TMEM263: variants seen among roughly 807,000 people sequenced by gnomAD.
TMEM263 encodes the protein transmembrane protein 263.
A neutral mutation model predicts 8.6 loss-of-function variants in TMEM263; 5 were observed. The ratio of observed to expected loss-of-function variants is 0.58; its 90% CI spans 0.31 to 1.23. The LOEUF is 1.23. Ranked by LOEUF, TMEM263 falls within the 50% of genes most tolerant of loss-of-function variation. The pLI is 0.07. For missense variants in TMEM263, 104 were observed against 138.8 expected, an observed-to-expected ratio of 0.75 and a Z score of 1.26; for synonymous variants, 50 against 47.9, an observed-to-expected ratio of 1.04 and a Z score of -0.18.
chr12:106,962,207 T>C (rs535897011), intron 2 of TMEM263, among the ~76,000 whole-genome samples: 21 of 152,226 alleles, frequency 1.4e-4, no homozygotes, highest in African/African-American at 3.9e-4. Flanking sequence ...GTAAAACTTA[T>C]GTATTTCTAA....
At chr12:106,964,695 G>A (rs1033854809) in intron 2 of TMEM263, among the ~76,000 whole-genome samples, 1 of 152,208 alleles carries the variant, frequency 6.6e-6, no homozygotes, top group Non-Finnish European at 1.5e-5. Flanking sequence ...TAGAGCAATT[G>A]AAAGCTATTT....
chr12:106,967,453 G>A (rs1951862424), intron 3 of TMEM263: 1 of 270,440 alleles, frequency 3.7e-6, no homozygotes, highest in African/African-American at 2.3e-5. Flanking sequence ...AGAGACAGGG[G>A]TTTCATCATG....
At position 106,971,544 on chromosome 12, in the gene TMEM263, GA is replaced by G; in HGVS notation, c.*154del. ...ATGACTGGCTTTCATCTAAAAAGAA[GA>G]GACCAATACGAGCACAGTATATGAA... On this transcript the variant is annotated 3_prime_UTR_variant, in exon 4 of 4. Transcript: ENST00000280756. The G allele has an allele frequency of 1.3e-6, 1 of 773,380 alleles. No individual in the cohort carries two copies. 47.9% of individuals were successfully genotyped at this position (773,380 alleles called of 1,614,324 possible).
chr12:106,963,081 G>T (rs935825886), intron 2 of TMEM263, among the ~76,000 whole-genome samples: 3 of 152,170 alleles, frequency 2.0e-5, no homozygotes, highest in Admixed American at 6.5e-5. Context: ...AAGGACCTGA[G>T]CCATGTACAT....
chr12:106,966,108 A>G (rs1183282286), intron 2 of TMEM263, among the ~76,000 whole-genome samples: 2 of 152,170 alleles, frequency 1.3e-5, no homozygotes, highest in Admixed American at 6.6e-5. Flanking sequence ...ATAGTACTCA[A>G]TAGATAGTTT....
rs11837205 is a variant in TMEM263, at chr12:106,956,032, G to T, written c.-108G>T. ...CTGCGCCGGCCCGCTCACTCCGCCC[G>T]GCCCCAGCCCTAGCGCTGGCCGCGA... On this transcript the variant is annotated 5_prime_UTR_variant, in exon 1 of 4. Transcript: ENST00000280756. 4,134 of 985,666 alleles carry T rather than the reference G, an allele frequency of 4.2e-3. 151 individuals are homozygous for T. In the African/African-American group the frequency reaches 0.067, roughly 16 times the overall value. The allele number at this position is 985,666 out of a possible 1,614,324, so 61.1% of individuals were successfully genotyped here.
At chr12:106,968,170 T>C (rs1004308727) in intron 3 of TMEM263, among the ~76,000 whole-genome samples, 2 of 152,202 alleles carry the variant, frequency 1.3e-5, no homozygotes, top group Non-Finnish European at 2.9e-5. Flanking sequence ...AGGTATTATA[T>C]ATTTTTTCCT....
At position 106,973,476 on chromosome 12, in the gene TMEM263, G is replaced by T. The variant is rs1477892017; in HGVS notation, c.*2085G>T. The T allele has an allele frequency of 6.6e-6, 1 of 152,536 alleles. No homozygotes were observed. Among genetic ancestry groups the T allele is most frequent in the Non-Finnish European group, 1.5e-5 (1 of 68,006 alleles). The allele number at this position is 152,536 out of a possible 1,614,324, so 9.4% of individuals were successfully genotyped here. A position where few individuals can be genotyped will look rare whatever the true frequency, so the allele number is the denominator to read the frequency against. On this transcript the variant is annotated 3_prime_UTR_variant, in exon 4 of 4. Transcript: ENST00000280756. ...CTTTAAAATTGCTTGAGGAAAAATG[G>T]TTGTAATTAATTTCTGCTACAGAAA...
chr12:106,970,888 A>G (rs1426936474), intron 3 of TMEM263, among the ~76,000 whole-genome samples: 1 of 152,240 alleles, frequency 6.6e-6, no homozygotes, highest in Non-Finnish European at 1.5e-5. Flanking sequence ...ATTTCTTCTC[A>G]TAGATACTAA....
chr12:106,968,773 CA>C (rs1389962017), intron 3 of TMEM263, among the ~76,000 whole-genome samples: 4 of 152,058 alleles, frequency 2.6e-5, no homozygotes, highest in Admixed American at 6.5e-5. Flanking sequence ...GCATGTGTAC[CA>C]AATTTGGCAT....
chr12:106,957,372 C>A (rs1273733071), intron 2 of TMEM263, among the ~76,000 whole-genome samples: 1 of 152,068 alleles, frequency 6.6e-6, no homozygotes, highest in African/African-American at 2.4e-5. Context: ...AAAATTTGTC[C>A]ATTTATAGAA....
chr12:106,958,080 A>C (rs1313397388), intron 2 of TMEM263, among the ~76,000 whole-genome samples: 1 of 152,220 alleles, frequency 6.6e-6, no homozygotes, highest in Non-Finnish European at 1.5e-5. Flanking sequence ...TTTAGGTAGA[A>C]TATGTAGAAG....
chr12:106,967,328 G>A (rs1254889000), intron 3 of TMEM263, 148 bp downstream of exon 3: 2 of 515,234 alleles, frequency 3.9e-6, no homozygotes, highest in Non-Finnish European at 6.6e-6. Flanking sequence ...GCACGATCTT[G>A]GCCCACTGCA....
At chr12:106,967,043 G>T (rs1475618819) in intron 2 of TMEM263, 68 bp from the exon 3 acceptor site, 2 of 979,976 alleles carry the variant, frequency 2.0e-6, no homozygotes, top group Non-Finnish European at 3.2e-6. Flanking sequence ...TCGCAATTTA[G>T]CATGTGATAA....
Position 106,971,420 on chromosome 12 carries a change from C to T in TMEM263, c.*29C>T. On this transcript the variant is annotated 3_prime_UTR_variant, in exon 4 of 4. Transcript: ENST00000280756. ...ATAGAGATACACTTGCGCTCCACAG[C>T]ACTGTAATGCCAGTGGCATTGAATT... 1.3e-6 allele frequency: 2 copies of T among 1,547,416 alleles called. No homozygotes were observed. The highest frequency in any genetic ancestry group is 2.5e-5 in the South Asian group (2 of 79,894).
In TMEM263 at chr12:106,962,885, G is replaced by A. The variant is rs74579785; in HGVS notation, c.-6-4226G>A. On this transcript the variant is annotated intron_variant, in intron 2 of 3. Transcript: ENST00000280756. ...ATTCAAGTATATGAGTGTCAACCATGCATCATTGATTAAGTCTCTGGTGAT... is the reference window on the plus strand; with the variant it reads ...ATTCAAGTATATGAGTGTCAACCATACATCATTGATTAAGTCTCTGGTGAT... Among the ~76,000 whole-genome samples, 317 of 152,322 alleles carry A rather than the reference G, an allele frequency of 2.1e-3. 2 individuals carry two copies. The highest frequency in any genetic ancestry group is 7.0e-3 in the African/African-American group (292 of 41,576).
rs1951950828 is a variant in TMEM263 at position 106,973,305 on chromosome 12, G to A, written c.*1914G>A. On this transcript the variant is annotated 3_prime_UTR_variant, in exon 4 of 4. Transcript: ENST00000280756. ...AATGGTATTGGAGAACTTGTTTCCT[G>A]CTATTTGGAAGAGATTGTTGCTTCA... The A allele has an allele frequency of 6.6e-6, 1 of 152,066 alleles. No individual in the cohort carries two copies. Among genetic ancestry groups the A allele is most frequent in the African/African-American group, 2.4e-5 (1 of 41,318 alleles). The allele number at this position is 152,066 out of a possible 1,614,324, so 9.4% of individuals were successfully genotyped here. A position where few individuals can be genotyped will look rare whatever the true frequency, so the allele number is the denominator to read the frequency against.
Position 106,967,099 on chromosome 12 carries a change from T to TC in TMEM263, c.-6-12_-6-11insC. The TC allele has an allele frequency of 7.7e-7, 1 of 1,291,946 alleles. No individual in the cohort carries two copies. Among genetic ancestry groups the TC allele is most frequent in the Non-Finnish European group, 1.1e-6 (1 of 940,250 alleles). 80.0% of individuals were successfully genotyped at this position (1,291,946 alleles called of 1,614,324 possible). On this transcript the variant is annotated splice_polypyrimidine_tract_variant and intron_variant, in intron 2 of 3. Coordinates refer to ENST00000280756, the MANE Select transcript of TMEM263 (RefSeq NM_152261.4). Reference sequence around the variant, plus strand: ...GGTTAAAATGAAATGTGTTTGTATGTTTTTTTTTTAGGAGATCATGAATCA... The same window carrying TC: ...GGTTAAAATGAAATGTGTTTGTATGTCTTTTTTTTTAGGAGATCATGAATCA...
rs57234871 is a variant in TMEM263, at chr12:106,972,860, C to CTTTTTT, written c.*1483_*1488dup. On this transcript the variant is annotated 3_prime_UTR_variant, in exon 4 of 4. Transcript: ENST00000280756. ...TGGAAATTTGTCTCCATTCTGCCAC[C>CTTTTTT]TTTTTTTTTTTTTTTTTTTATAGTG... 1.5e-5 allele frequency: 2 copies of CTTTTTT among 130,710 alleles called. No homozygotes were observed. The highest frequency in any genetic ancestry group is 2.9e-5 in the African/African-American group (1 of 34,070). 8.1% of individuals were successfully genotyped at this position (130,710 alleles called of 1,614,324 possible).
Sources: allele counts gnomAD v4.1 joint callset (sites outside exome capture counted in the v4.1 genomes callset), GRCh38; gene constraint gnomAD v4.1.1; transcripts MANE v1.5; gene names NCBI Gene and HGNC (gene_info 2026-07-23, HGNC 2026-07-21).